The following DMD variants were observed in gnomAD, a reference collection of about 807,000 sequenced individuals.
The protein encoded by DMD is mutant dystrophin.
Under a neutral mutation model 330.1 loss-of-function variants are expected in DMD, and 63 were observed. The observed-to-expected ratio is 0.19, with a 90% CI of 0.16 to 0.24. The LOEUF (loss-of-function observed/expected upper bound fraction) is 0.24. Ranked by LOEUF, DMD falls within the 10% of genes least tolerant of loss-of-function variation. DMD has a pLI of 1.00. For missense variants in DMD, 3,344 were observed against 2,684.1 expected, an observed-to-expected ratio of 1.25 and a Z score of -5.43; for synonymous variants, 1,223 against 959.8, an observed-to-expected ratio of 1.27 and a Z score of -5.07.
intron 65 of DMD, among the ~76,000 whole-genome samples, chrX:31,207,467 T>A (rs2044200806): frequency 9.0e-6 from 1 of 111,538 alleles, no homozygotes; most frequent in Non-Finnish European, 1.9e-5. Context: ...TTGTAGAAAA[T>A]GTCTTTCAAG....
chrX:32,051,189 A>G (rs969596353), intron 44 of DMD, among the ~76,000 whole-genome samples: 1 of 109,746 alleles, frequency 9.1e-6, no homozygotes, highest in African/African-American at 3.3e-5. Context: ...AACATAAAGT[A>G]TAGGTTAGAC....
chrX:31,180,661 C>A (rs141819499), intron 68 of DMD, among the ~76,000 whole-genome samples, 180 bp from the exon 69 acceptor site: 1 of 111,429 alleles, frequency 9.0e-6, no homozygotes. Flanking sequence ...TCCTACAGTA[C>A]CAAAACATTT....
chrX:32,005,094 CA>C (rs1218573749), intron 44 of DMD, among the ~76,000 whole-genome samples: 1 of 111,258 alleles, frequency 9.0e-6, no homozygotes, highest in East Asian at 2.9e-4. Flanking sequence ...CAACTGCATG[CA>C]AACTAGCCTC....
chrX:31,294,811 A>G (rs746757922), intron 62 of DMD, among the ~76,000 whole-genome samples: 1 of 111,733 alleles, frequency 8.9e-6, no homozygotes, highest in East Asian at 2.8e-4. Context: ...GGTTTATGGC[A>G]TTCTGAATCT....
chrX:32,897,101 T>C (rs1183137312), intron 2 of DMD, among the ~76,000 whole-genome samples: 1 of 111,433 alleles, frequency 9.0e-6, no homozygotes, highest in African/African-American at 3.3e-5. Flanking sequence ...ATGCGTTTTT[T>C]TTATTTTGCC....
intron 44 of DMD, among the ~76,000 whole-genome samples, chrX:32,084,911 A>G (rs1003577861): frequency 3.6e-5 from 4 of 111,344 alleles, no homozygotes; most frequent in Admixed American, 9.6e-5. Flanking sequence ...AGAGGCGCAG[A>G]GAAGCTGAAA....
intron 2 of DMD, among the ~76,000 whole-genome samples, chrX:32,860,964 T>G (rs2082032943): frequency 8.9e-6 from 1 of 111,915 alleles, no homozygotes; most frequent in African/African-American, 3.2e-5. Flanking sequence ...AAAGTCACAC[T>G]GATAAAATAT....
At chrX:31,235,041 T>C (rs2047585113) in intron 63 of DMD, among the ~76,000 whole-genome samples, 1 of 111,175 alleles carries the variant, frequency 9.0e-6, no homozygotes, top group Non-Finnish European at 1.9e-5. Flanking sequence ...ATCAGATACA[T>C]AAGAGGAAGG....
chrX:32,730,601 G>A (rs192558264), intron 7 of DMD, among the ~76,000 whole-genome samples: 15 of 112,022 alleles, frequency 1.3e-4, no homozygotes, highest in African/African-American at 4.9e-4. Flanking sequence ...GCTTAAAGTA[G>A]TAAGAGATAA....
At chrX:31,751,245 T>C (rs1354693666) in intron 51 of DMD, among the ~76,000 whole-genome samples, 1 of 111,258 alleles carries the variant, frequency 9.0e-6, no homozygotes, top group Admixed American at 9.6e-5. Flanking sequence ...GACTTCAAAC[T>C]ATACTAAAGG....
intron 48 of DMD, among the ~76,000 whole-genome samples, chrX:31,838,076 T>A (rs2093242581): frequency 8.9e-6 from 1 of 111,772 alleles, no homozygotes; most frequent in Non-Finnish European, 1.9e-5. Flanking sequence ...TCCCTGAAAA[T>A]GCAGCACCCG....
At chrX:31,158,982 T>C (rs765315635) in intron 74 of DMD, among the ~76,000 whole-genome samples, 25 of 111,917 alleles carry the variant, frequency 2.2e-4, no homozygotes, top group Non-Finnish European at 4.5e-4. Flanking sequence ...TAAACAGGTA[T>C]ATTAAGGGAT....
intron 1 of DMD, among the ~76,000 whole-genome samples, chrX:33,313,295 A>G (rs925873276): frequency 6.3e-5 from 7 of 111,988 alleles, no homozygotes; most frequent in Non-Finnish European, 1.1e-4. Flanking sequence ...TTAGTTGCAA[A>G]TGGTTAAATC....
chrX:31,838,957 A>T (rs2149501013), intron 48 of DMD, among the ~76,000 whole-genome samples: 1 of 112,051 alleles, frequency 8.9e-6, no homozygotes, highest in Admixed American at 9.5e-5. Context: ...TGATCAAATT[A>T]TGTTATTTCT....
chrX:32,078,853 CT>C (rs776129096), intron 44 of DMD, among the ~76,000 whole-genome samples: 2 of 111,957 alleles, frequency 1.8e-5, no homozygotes, highest in African/African-American at 6.5e-5. Flanking sequence ...GCTATAAGCC[CT>C]CTCTCCTGGG....
intron 17 of DMD, among the ~76,000 whole-genome samples, chrX:32,518,749 C>A (rs2046116096): frequency 9.0e-6 from 1 of 110,582 alleles, no homozygotes; most frequent in African/African-American, 3.3e-5. Flanking sequence ...GTGAAGAGGC[C>A]ACATGAAGAA....
At chrX:32,159,044 C>T (rs1391786395) in intron 44 of DMD, among the ~76,000 whole-genome samples, 1 of 112,180 alleles carries the variant, frequency 8.9e-6, no homozygotes, top group Non-Finnish European at 1.9e-5. Context: ...GCTGTTTCCA[C>T]CAAACTAAGT....
chrX:32,916,495 A>C (rs1205172228), intron 2 of DMD, among the ~76,000 whole-genome samples: 1 of 111,855 alleles, frequency 8.9e-6, no homozygotes, highest in African/African-American at 3.2e-5. Flanking sequence ...ACATCATTAA[A>C]TTTACTTTAC....
intron 12 of DMD, among the ~76,000 whole-genome samples, chrX:32,608,149 T>C (rs145584492): frequency 0.042 from 4,610 of 110,017 alleles, 93 homozygotes; most frequent in South Asian, 0.067. Flanking sequence ...AATAATCTGA[T>C]AGCTAGAAAT....
Sources: gnomAD v4.1 joint callset for allele counts (sites outside exome capture counted in the v4.1 genomes callset) on GRCh38, gnomAD v4.1.1 for gene constraint, MANE v1.5 for transcripts, NCBI Gene and HGNC (gene_info 2026-07-23, HGNC 2026-07-21) for gene names.